Variants in ZNF69 observed in about 807,000 individuals in gnomAD.
ZNF69 encodes the protein ZNF3.
ZNF69 carries 47 observed loss-of-function variants against 50.9 expected under a neutral mutation model. That is an observed-to-expected ratio of 0.92 (90% confidence interval 0.73 to 1.18). The LOEUF (loss-of-function observed/expected upper bound fraction) is 1.18, where lower values mean the gene tolerates loss of function less well. Ranked by LOEUF, ZNF69 falls within the 50% of genes most tolerant of loss-of-function variation. The probability of loss-of-function intolerance (pLI) is 0.00; values close to 1 mark genes in which losing one functional copy is unlikely to be tolerated. For missense variants in ZNF69, 717 were observed against 675.1 expected, an observed-to-expected ratio of 1.06 and a Z score of -0.69; for synonymous variants, 216 against 223.1, an observed-to-expected ratio of 0.97 and a Z score of 0.29.
the ZNF69 span, among the ~76,000 whole-genome samples, chr19:11,951,044 G>A: frequency 2.4e-4 from 36 of 150,906 alleles, no homozygotes; most frequent in African/African-American, 7.3e-4. Context: ...CCAGCTTCTC[G>A]GGAGGCTGAG....
chr19:11,888,659 T>G (rs17001721), intron 1 of ZNF69, among the ~76,000 whole-genome samples: 2,589 of 152,104 alleles, frequency 0.017, 64 homozygotes, highest in African/African-American at 0.059. Context: ...GAAGGTGTAA[T>G]TTCCTTAGGC....
chr19:11,967,072 G>C, the ZNF69 span, among the ~76,000 whole-genome samples: 1 of 152,174 alleles, frequency 6.6e-6, no homozygotes, highest in Non-Finnish European at 1.5e-5. Context: ...TGATGGCTTA[G>C]GCCTGTAATT....
the ZNF69 span, among the ~76,000 whole-genome samples, chr19:11,964,412 C>T: frequency 1.3e-5 from 2 of 152,144 alleles, no homozygotes; most frequent in African/African-American, 4.8e-5. Flanking sequence ...AGGCTAGAGA[C>T]AGAATTGTTT....
the ZNF69 span, among the ~76,000 whole-genome samples, chr19:11,961,107 T>C: frequency 6.6e-6 from 1 of 152,194 alleles, no homozygotes; most frequent in African/African-American, 2.4e-5. Flanking sequence ...AGGGAGACCC[T>C]GTCTTAAAAA....
chr19:11,926,475 A>C, the ZNF69 span: 2 of 152,322 alleles, frequency 1.3e-5, no homozygotes, highest in Non-Finnish European at 2.9e-5. Context: ...TGCAACCTCC[A>C]CCTTCCGGGT....
At chr19:11,888,678 A>T (rs1360741043) in intron 1 of ZNF69, among the ~76,000 whole-genome samples, 3 of 152,124 alleles carry the variant, frequency 2.0e-5, no homozygotes, top group South Asian at 2.1e-4. Flanking sequence ...GCAGAAAGGG[A>T]GGGACCTGGC....
At chr19:11,924,868 T>C in the ZNF69 span, among the ~76,000 whole-genome samples, 3 of 152,138 alleles carry the variant, frequency 2.0e-5, no homozygotes, top group African/African-American at 7.2e-5. Context: ...ACGCTAGTGT[T>C]CTCTTCTATC....
At chr19:11,890,250 G>C (rs1977052504) in intron 1 of ZNF69, among the ~76,000 whole-genome samples, 1 of 152,226 alleles carries the variant, frequency 6.6e-6, no homozygotes, top group Non-Finnish European at 1.5e-5. Flanking sequence ...ATCTCAGGCT[G>C]TCTCAGTGGG....
the ZNF69 span, among the ~76,000 whole-genome samples, chr19:11,923,789 T>C: frequency 6.6e-6 from 1 of 152,224 alleles, no homozygotes; most frequent in Non-Finnish European, 1.5e-5. Flanking sequence ...AACTAATCGA[T>C]GGGGTGAGAA....
At chr19:11,924,522 G>A in the ZNF69 span, among the ~76,000 whole-genome samples, 1 of 152,154 alleles carries the variant, frequency 6.6e-6, no homozygotes, top group East Asian at 1.9e-4. Flanking sequence ...GCGTCACCTG[G>A]ATAAAGGGTT....
At chr19:11,979,061 T>C in the ZNF69 span, 4 of 1,614,194 alleles carry the variant, frequency 2.5e-6, no homozygotes, top group South Asian at 2.2e-5. Context: ...CATTATCTTA[T>C]AAGTTTTCAA....
chr19:11,906,860 G>A (rs1458806051), downstream of ZNF69, among the ~76,000 whole-genome samples: 2 of 151,892 alleles, frequency 1.3e-5, no homozygotes, highest in Admixed American at 6.6e-5. Context: ...TCAGATGATC[G>A]GTAATAACAA....
the ZNF69 span, chr19:11,925,173 G>T: frequency 7.5e-6 from 12 of 1,609,376 alleles, no homozygotes; most frequent in South Asian, 1.1e-5. Context: ...GGGACCTGGT[G>T]CCTGTACCCA....
At chr19:11,949,849 A>G in the ZNF69 span, 4 of 1,610,582 alleles carry the variant, frequency 2.5e-6, no homozygotes, top group Non-Finnish European at 3.4e-6. Context: ...AAACCTTCGA[A>G]AGCATGGTAG....
downstream of ZNF69, among the ~76,000 whole-genome samples, chr19:11,909,833 G>T (rs2145250763): frequency 6.6e-6 from 1 of 151,130 alleles, no homozygotes; most frequent in South Asian, 2.1e-4. Flanking sequence ...CAATCAGGAA[G>T]GACAAAGAAC....
At chr19:11,898,825 C>A (rs948455173) in intron 1 of ZNF69, among the ~76,000 whole-genome samples, 2 of 152,144 alleles carry the variant, frequency 1.3e-5, no homozygotes, top group African/African-American at 4.8e-5. Context: ...CATAGCAAGA[C>A]CCTGTTTCAA....
At chr19:11,948,236 G>C in the ZNF69 span, 7 of 1,591,584 alleles carry the variant, frequency 4.4e-6, no homozygotes, top group African/African-American at 1.4e-5. Context: ...AGAAGTACTT[G>C]TAAACAAACC....
the ZNF69 span, among the ~76,000 whole-genome samples, chr19:11,963,719 A>G: frequency 6.6e-6 from 1 of 151,966 alleles, no homozygotes; most frequent in Non-Finnish European, 1.5e-5. Flanking sequence ...TCTTCTCCCC[A>G]AGCGTCCTGT....
At chr19:11,948,718 C>A in the ZNF69 span, 1 of 1,612,940 alleles carries the variant, frequency 6.2e-7, no homozygotes, top group Non-Finnish European at 8.5e-7. Context: ...GAAAGCCTTC[C>A]ATTCTTTCAG....
Sources: allele counts gnomAD v4.1 joint callset (sites outside exome capture counted in the v4.1 genomes callset), GRCh38; gene constraint gnomAD v4.1.1; transcripts MANE v1.5; gene names NCBI Gene and HGNC (gene_info 2026-07-23, HGNC 2026-07-21).